EIF3A: variants seen among roughly 807,000 people sequenced by gnomAD.
EIF3A encodes the protein eukaryotic translation initiation factor 3 subunit A.
A neutral mutation model predicts 186.6 loss-of-function variants in EIF3A; 21 were observed. That is an observed-to-expected ratio of 0.11 (90% CI 0.08 to 0.16). The LOEUF is 0.16. EIF3A is among the 10% of genes least tolerant of loss of function. EIF3A has a pLI of 1.00. For missense variants in EIF3A, 1,306 were observed against 1,796.3 expected (o/e 0.73, Z 4.93); for synonymous variants, 563 against 584.3 (o/e 0.96, Z 0.52).
rs1441647740 is a variant in EIF3A, at chr10:119,042,439, T to C, written c.3081A>G (p.Gly1027=). The C allele has an allele frequency of 6.2e-7, 1 of 1,613,978 alleles. No individual in the cohort carries two copies. The highest frequency in any genetic ancestry group is 2.2e-5 in the East Asian group (1 of 44,860). The part of the protein sequence containing the change: ...PPRRGLDEDR[G]SWRTADEDRG... ...TGTCCTCATCAGCTGTTCGCCAGCTTCCTCTGTCCTCATCCAGTCCTCGTC... is the reference window on the plus strand; with the variant it reads ...TGTCCTCATCAGCTGTTCGCCAGCTCCCTCTGTCCTCATCCAGTCCTCGTC... Residue 1027 remains glycine (G), a synonymous_variant, in exon 19 of 22, where the codon GGA becomes GGG. Transcript: ENST00000369144. The surrounding 1 kb of genome is among the most constrained non-coding windows in gnomAD (Gnocchi z 7.8).
Position 119,038,435 on chromosome 10 carries a change from T to A in EIF3A, c.3531A>T (p.Gly1177=), listed in dbSNP as rs765537311. 1.3e-6 allele frequency: 2 copies of A among 1,593,836 alleles called. No homozygotes were observed. The highest frequency in any genetic ancestry group is 1.7e-6 in the Non-Finnish European group (2 of 1,174,036). ...GPWRPLVKPG[G]WREKEKAREE... ...CTCTGGCTTTTTCTTTCTCTCTCCA[T>A]CCACCTGTTTTTTTGAAAAAGCAAA... The change falls in exon 20 of 22, where the codon GGA becomes GGT. Residue 1177 remains glycine, a synonymous_variant. Coordinates refer to ENST00000369144, the MANE Select transcript of EIF3A (RefSeq NM_003750.4).
In EIF3A at chr10:119,034,846, G is replaced by T. The variant is rs564469754; in HGVS notation, c.*1193C>A. The T allele has an allele frequency of 2.0e-5, 3 of 152,176 alleles. No homozygotes were observed. The highest frequency in any genetic ancestry group is 4.8e-5 in the African/African-American group (2 of 41,434). The allele number at this position is 152,176 out of a possible 1,614,324, so 9.4% of individuals were successfully genotyped here. ...GTTACAAGGAAACTAAGGAATTCCT[G>T]CATTAACAAAGGAAGACATGTTAGG... is the stretch of plus-strand genomic sequence containing the variant. On this transcript the variant is annotated 3_prime_UTR_variant, in exon 22 of 22. Transcript: ENST00000369144.
chr10:119,038,079 G>A, intron 20 of EIF3A, 159 bp downstream of exon 20: 2 of 643,442 alleles, frequency 3.1e-6, no homozygotes, highest in South Asian at 3.7e-5. Flanking sequence ...ACCACGCCCG[G>A]CTAATTTTGT....
At chr10:119,071,701 G>C (rs769380595) in intron 4 of EIF3A, among the ~76,000 whole-genome samples, 2 of 152,116 alleles carry the variant, frequency 1.3e-5, no homozygotes, top group East Asian at 3.8e-4. Context: ...TGTATCAACA[G>C]CTATCAAAAA....
chr10:119,066,109 C>T, intron 6 of EIF3A, among the ~76,000 whole-genome samples: 1 of 149,604 alleles, frequency 6.7e-6, no homozygotes, highest in Non-Finnish European at 1.5e-5. Flanking sequence ...GAGCCAGACT[C>T]TGTCTCAAAA....
intron 1 of EIF3A, among the ~76,000 whole-genome samples, chr10:119,080,110 T>C (rs1248661174): frequency 6.6e-6 from 1 of 152,172 alleles, no homozygotes; most frequent in Non-Finnish European, 1.5e-5. Flanking sequence ...TGAGCGCGGC[T>C]TGGAGAGCGG....
intron 9 of EIF3A, chr10:119,060,038 A>G (rs759481214): frequency 1.5e-5 from 8 of 516,260 alleles, no homozygotes; most frequent in Non-Finnish European, 3.0e-5. Context: ...TGGCAGCATT[A>G]CTATTTATAG....
At chr10:119,077,880 G>C (rs954355272) in intron 1 of EIF3A, among the ~76,000 whole-genome samples, 2 of 152,032 alleles carry the variant, frequency 1.3e-5, no homozygotes. Context: ...TAGTGGCCGG[G>C]GGAAGCTTTT....
intron 8 of EIF3A, 118 bp downstream of exon 8, chr10:119,061,106 G>T: frequency 1.7e-6 from 1 of 589,718 alleles, no homozygotes; most frequent in Non-Finnish European, 3.0e-6. Flanking sequence ...ACAATGAAAT[G>T]TGCACTGAAT....
chr10:119,065,234 C>T (rs2271364), intron 7 of EIF3A, among the ~76,000 whole-genome samples, 165 bp downstream of exon 7: 11,068 of 152,124 alleles, frequency 0.073, 809 homozygotes, highest in African/African-American at 0.19. Context: ...CACCCACTGG[C>T]GCGGAACTGC....
intron 6 of EIF3A, among the ~76,000 whole-genome samples, chr10:119,066,377 C>T (rs1440411432): frequency 6.8e-6 from 1 of 145,998 alleles, no homozygotes; most frequent in African/African-American, 2.5e-5. Context: ...GACATGGTGA[C>T]AGGCGCCTGT....
rs772831549 is a variant in EIF3A at position 119,050,531 on chromosome 10, T to A, written c.2463A>T (p.Gln821His). The A allele has an allele frequency of 1.5e-5, 24 of 1,613,932 alleles. No homozygotes were observed. Among genetic ancestry groups the A allele is most frequent in the Admixed American group, 3.3e-5 (2 of 60,008 alleles). ...EEEEQRRAEE[Q>H]MLKEREERER... is the part of the protein sequence containing the mutation. The stretch of plus-strand genomic sequence containing the variant: ...GTTTGACCTGTGTACCTTTTAGCAT[T>A]TGTTCTTCTGCCCTTCTCTGCTCCT... Residue 821 changes from glutamine to histidine, a missense_variant, in exon 16 of 22, where the codon CAA (glutamine) becomes CAT (histidine). By Grantham distance (24) the Gln-to-His change is conservative. This residue lies in a region of EIF3A where 410 missense variants were observed against 473.5 expected (regional missense o/e 0.87). Transcript: ENST00000369144.
At chr10:119,074,812 G>A (rs1001295903) in intron 1 of EIF3A, among the ~76,000 whole-genome samples, 5 of 150,146 alleles carry the variant, frequency 3.3e-5, no homozygotes, top group South Asian at 2.1e-4. Flanking sequence ...GCATGCCTGC[G>A]GAGGCTGAGG....
At chr10:119,066,797 A>C (rs985086268) in intron 6 of EIF3A, among the ~76,000 whole-genome samples, 1 of 152,192 alleles carries the variant, frequency 6.6e-6, no homozygotes, top group African/African-American at 2.4e-5. Flanking sequence ...CTGAGTCATA[A>C]GGCTACTGCA....
chr10:119,063,404 T>A (rs1843921567), intron 7 of EIF3A, among the ~76,000 whole-genome samples: 1 of 152,240 alleles, frequency 6.6e-6, no homozygotes, highest in Non-Finnish European at 1.5e-5. Flanking sequence ...TTAAATTGAC[T>A]ACTGCAGAAA....
At chr10:119,075,854 C>G (rs538107568) in intron 1 of EIF3A, among the ~76,000 whole-genome samples, 51 of 142,352 alleles carry the variant, frequency 3.6e-4, no homozygotes, top group Non-Finnish European at 6.5e-4. Flanking sequence ...GCTGGGACTA[C>G]GGAGCTCGCC....
chr10:119,072,039 A>AAG (rs1564760868), intron 4 of EIF3A, among the ~76,000 whole-genome samples: 6 of 130,900 alleles, frequency 4.6e-5, no homozygotes, highest in Non-Finnish European at 7.9e-5. Context: ...AAAAAAAAAA[A>AAG]AAAAAAAGAA....
chr10:119,069,167 A>G (rs568943751), intron 6 of EIF3A, among the ~76,000 whole-genome samples: 124 of 151,324 alleles, frequency 8.2e-4, no homozygotes, highest in Non-Finnish European at 1.3e-3. Flanking sequence ...ACCAACTACT[A>G]AAGTCCAAGA....
intron 14 of EIF3A, among the ~76,000 whole-genome samples, chr10:119,054,975 T>C (rs1161165027): frequency 6.6e-6 from 1 of 151,984 alleles, no homozygotes; most frequent in Non-Finnish European, 1.5e-5. Flanking sequence ...TTTGGGAGGC[T>C]GAGGCGAACA....
Sources: gnomAD v4.1 joint callset for allele counts (sites outside exome capture counted in the v4.1 genomes callset) on GRCh38, gnomAD v4.1.1 for gene constraint, gnomAD v4.1.1 regional missense constraint, Gnocchi (gnomAD v3.1) non-coding constraint, MANE v1.5 for transcripts, NCBI Gene and HGNC (gene_info 2026-07-23, HGNC 2026-07-21) for gene names.